ATP10B: variants seen among roughly 807,000 people sequenced by gnomAD.
ATP10B encodes ATPase phospholipid transporting 10B (putative).
Under a neutral mutation model 141.2 loss-of-function variants are expected in ATP10B, and 122 were observed. The ratio of observed to expected loss-of-function variants is 0.86; its 90% CI spans 0.75 to 1.00. The LOEUF (loss-of-function observed/expected upper bound fraction) is 1.00. ATP10B is among the 50% of genes least tolerant of loss of function. The pLI is 0.00. For missense variants in ATP10B, 1,876 were observed against 1,825.3 expected (o/e 1.03, Z -0.51); for synonymous variants, 685 against 692.0 (o/e 0.99, Z 0.16).
In ATP10B at chr5:160,747,840, T is replaced by C. The variant is rs1581456636; in HGVS notation, c.-330-30806A>G. ...ATTTTTTGTTCTCATAGCTTGCTTT[T>C]ATCTTTGTCCTCCCTTTGCTTTCTC... On this transcript the variant is annotated intron_variant, in intron 2 of 25. Transcript: ENST00000327245. Among the ~76,000 whole-genome samples, 3 of 152,278 alleles carry C rather than the reference T, an allele frequency of 2.0e-5. No individual in the cohort carries two copies. In the South Asian group the frequency reaches 6.2e-4, roughly 32 times the overall value.
intron 2 of ATP10B, among the ~76,000 whole-genome samples, chr5:160,760,989 A>C (rs1256542138): frequency 6.6e-6 from 1 of 152,108 alleles, no homozygotes; most frequent in Non-Finnish European, 1.5e-5. Context: ...AGCCCCACCC[A>C]TCACCTCAGA....
chr5:160,817,875 C>T (rs957283860), intron 1 of ATP10B, among the ~76,000 whole-genome samples: 21 of 152,086 alleles, frequency 1.4e-4, no homozygotes, highest in Non-Finnish European at 1.0e-4. Flanking sequence ...CTTTGACAAA[C>T]CTGACAAAAA....
intron 2 of ATP10B, among the ~76,000 whole-genome samples, chr5:160,726,419 C>A (rs1766365838): frequency 6.6e-6 from 1 of 152,082 alleles, no homozygotes; most frequent in Admixed American, 6.5e-5. Flanking sequence ...TGGAGTGGAG[C>A]TAAGTCATTA....
intron 1 of ATP10B, among the ~76,000 whole-genome samples, chr5:160,794,085 T>C (rs1175724868): frequency 1.3e-5 from 2 of 152,224 alleles, no homozygotes; most frequent in African/African-American, 4.8e-5. Context: ...AATTTTTTTA[T>C]GGTAATAAAA....
chr5:160,620,871 A>C lies in ATP10B; in HGVS notation c.1892T>G (p.Leu631Trp), dbSNP rs1301861978. 1 of 1,614,172 alleles carries C rather than the reference A, an allele frequency of 6.2e-7. No homozygotes were observed. Among genetic ancestry groups the C allele is most frequent in the Non-Finnish European group, 8.5e-7 (1 of 1,180,030 alleles). ...GGATGAGAATGACTGGCTGAGGCTC[A>C]ATAGCTTCAACTTCTGGAAGAGCTG... ...IQQLFQKLKLLSLSQSFSSTA... is the reference protein window; with the variant it reads ...IQQLFQKLKLWSLSQSFSSTA... The change falls in exon 15 of 26, where the codon TTG becomes TGG. Residue 631 changes from leucine (L) to tryptophan (W), a missense_variant. Transcript: ENST00000327245.
chr5:160,693,167 T>C (rs1048084503), intron 3 of ATP10B, among the ~76,000 whole-genome samples: 21 of 152,022 alleles, frequency 1.4e-4, no homozygotes, highest in African/African-American at 4.6e-4. Flanking sequence ...CTAAATGTAA[T>C]GCATAATTCT....
In ATP10B at chr5:160,688,009, A is replaced by G. The variant is rs749027979; in HGVS notation, c.66T>C (p.His22=). 3 of 1,613,930 alleles carry G rather than the reference A, an allele frequency of 1.9e-6. No individual in the cohort carries two copies. The highest frequency in any genetic ancestry group is 2.5e-6 in the Non-Finnish European group (3 of 1,180,006). The stretch of plus-strand genomic sequence containing the variant: ...GCAGCGGTGTGGTTTCCGATGGACA[A>G]TGGGGGAAGCCATCTCTGACTCTCC... ...WQWRVRDGFP[H]CPSETTPLLS... Residue 22 remains histidine, a synonymous_variant, in exon 5 of 26, where the codon CAT becomes CAC. Transcript: ENST00000327245.
chr5:160,759,879 T>C (rs7712069), intron 2 of ATP10B, among the ~76,000 whole-genome samples: 90,194 of 152,090 alleles, frequency 0.59, 27,357 homozygotes, highest in African/African-American at 0.71. Flanking sequence ...ACTCATCCTT[T>C]ATTTCCACTC....
intron 7 of ATP10B, among the ~76,000 whole-genome samples, chr5:160,658,705 A>G (rs1007920784): frequency 2.0e-5 from 3 of 152,192 alleles, no homozygotes; most frequent in African/African-American, 7.2e-5. Context: ...GGGTTAAGCT[A>G]TAAAGCACAA....
chr5:160,913,883 G>A, the ATP10B span, among the ~76,000 whole-genome samples: 1 of 152,188 alleles, frequency 6.6e-6, no homozygotes, highest in East Asian at 1.9e-4. Flanking sequence ...TTTGGAAGGT[G>A]CTTAAATAAA....
In ATP10B at chr5:160,783,367, A is replaced by T. The variant is rs1770857894; in HGVS notation, c.-331+2192T>A. Among the ~76,000 whole-genome samples, 3 of 143,890 alleles carry T rather than the reference A, an allele frequency of 2.1e-5. No homozygotes were observed. In the Admixed American group the frequency reaches 2.1e-4, roughly 10 times the overall value. The allele number at this position is 143,890 out of a possible 152,430, so 94.4% of individuals were successfully genotyped here. ...GTTAATTCATTCCTTTTTATAGCTG[A>T]GTAGTATTTCATCATATATATATAT... is the stretch of plus-strand genomic sequence containing the variant. On this transcript the variant is annotated intron_variant, in intron 2 of 25. Coordinates refer to ENST00000327245, the MANE Select transcript of ATP10B (RefSeq NM_025153.3).
At chr5:160,812,337 A>G (rs1204520402) in intron 1 of ATP10B, among the ~76,000 whole-genome samples, 1 of 152,182 alleles carries the variant, frequency 6.6e-6, no homozygotes, top group East Asian at 1.9e-4. Context: ...TAAATACTTA[A>G]CTATTTAATT....
chr5:160,716,274 T>C (rs1017881549), intron 3 of ATP10B, among the ~76,000 whole-genome samples: 1 of 152,260 alleles, frequency 6.6e-6, no homozygotes, highest in Non-Finnish European at 1.5e-5. Flanking sequence ...TAGCATATAA[T>C]AATGTCTTAT....
the ATP10B span, among the ~76,000 whole-genome samples, chr5:160,886,314 G>A: frequency 2.6e-5 from 4 of 152,144 alleles, no homozygotes; most frequent in Non-Finnish European, 4.4e-5. Context: ...AACATTTGAT[G>A]GAGGACTTGA....
At chr5:160,703,323 A>G (rs1581384365) in intron 3 of ATP10B, among the ~76,000 whole-genome samples, 1 of 152,336 alleles carries the variant, frequency 6.6e-6, no homozygotes, top group East Asian at 1.9e-4. Context: ...TATGTTTTAT[A>G]CTATACTGTA....
At chr5:160,813,027 A>G (rs955368769) in intron 1 of ATP10B, among the ~76,000 whole-genome samples, 1 of 152,242 alleles carries the variant, frequency 6.6e-6, no homozygotes, top group Non-Finnish European at 1.5e-5. Flanking sequence ...CCAAATAGGA[A>G]CAGCTCCAGT....
intron 6 of ATP10B, among the ~76,000 whole-genome samples, chr5:160,680,381 T>C (rs1763303334): frequency 6.6e-6 from 1 of 152,220 alleles, no homozygotes; most frequent in African/African-American, 2.4e-5. Flanking sequence ...AGGATATGTC[T>C]TTTAGCATCC....
chr5:160,874,212 AG>A, the ATP10B span, among the ~76,000 whole-genome samples: 1 of 151,944 alleles, frequency 6.6e-6, no homozygotes, highest in Non-Finnish European at 1.5e-5. Flanking sequence ...TGCCTCCTCA[AG>A]TGGGTCCCTG....
At chr5:160,770,351 G>C (rs191521891) in intron 2 of ATP10B, among the ~76,000 whole-genome samples, 154 of 151,560 alleles carry the variant, frequency 1.0e-3, no homozygotes, top group African/African-American at 3.6e-3. Context: ...CATTTATTTT[G>C]TTATGTTATG....
Sources: gnomAD v4.1 joint callset for allele counts (sites outside exome capture counted in the v4.1 genomes callset) on GRCh38, gnomAD v4.1.1 for gene constraint, MANE v1.5 for transcripts, NCBI Gene and HGNC (gene_info 2026-07-23, HGNC 2026-07-21) for gene names.